Variants in RNF220 observed in about 807,000 individuals in gnomAD.
RNF220 encodes E3 ubiquitin-protein ligase RNF220.
A neutral mutation model predicts 67.1 loss-of-function variants in RNF220; 7 were observed. The observed-to-expected ratio is 0.10, with a 90% CI of 0.06 to 0.20. The LOEUF is 0.20. RNF220 is among the 10% of genes least tolerant of loss of function. RNF220 has a pLI of 1.00. For missense variants in RNF220, 565 were observed against 740.3 expected (o/e 0.76, Z 2.75); for synonymous variants, 270 against 283.2 (o/e 0.95, Z 0.47).
At chr1:44,443,436 C>G (rs1401271255) in intron 2 of RNF220, among the ~76,000 whole-genome samples, 1 of 152,212 alleles carries the variant, frequency 6.6e-6, no homozygotes, top group Non-Finnish European at 1.5e-5. Context: ...CTAACATGCT[C>G]TGGCATTAGC....
chr1:44,543,661 G>T (rs1288345201), intron 2 of RNF220, among the ~76,000 whole-genome samples: 1 of 151,996 alleles, frequency 6.6e-6, no homozygotes, highest in Non-Finnish European at 1.5e-5. Flanking sequence ...CGTGACCGGG[G>T]TGTACAGGAA....
At chr1:44,430,836 C>T (rs192391449) in intron 2 of RNF220, among the ~76,000 whole-genome samples, 20 of 152,314 alleles carry the variant, frequency 1.3e-4, no homozygotes, top group African/African-American at 4.1e-4. Context: ...TGAGCCACCA[C>T]GCCCAGCCAC....
intron 2 of RNF220, among the ~76,000 whole-genome samples, chr1:44,439,358 T>G (rs1651320715): frequency 6.6e-6 from 1 of 152,114 alleles, no homozygotes. Context: ...TTGAATTGCT[T>G]ATCCATGTCC....
At chr1:44,501,766 A>T (rs61787494) in intron 2 of RNF220, among the ~76,000 whole-genome samples, 26,206 of 151,922 alleles carry the variant, frequency 0.17, 2,323 homozygotes, top group Admixed American at 0.2. Context: ...TGGTTGGTGC[A>T]GGAGAGGGGG....
chr1:44,649,864 T>C lies in RNF220; in HGVS notation c.1555-19T>C. 1 of 1,614,010 alleles carries C rather than the reference T, an allele frequency of 6.2e-7. No individual in the cohort carries two copies. The highest frequency in any genetic ancestry group is 8.5e-7 in the Non-Finnish European group (1 of 1,179,930). ...GGGCCTACCTCAGAGTGACCCCTTC[T>C]CTGCCCCCTCCTCCCTAGGACTCGT... On this transcript the variant is annotated intron_variant, in intron 13 of 14. Transcript: ENST00000361799. The surrounding 1 kb of genome is among the most constrained non-coding windows in gnomAD (Gnocchi z 5.9).
intron 2 of RNF220, among the ~76,000 whole-genome samples, chr1:44,468,985 C>T (rs1417400679): frequency 6.6e-6 from 1 of 151,806 alleles, no homozygotes; most frequent in Non-Finnish European, 1.5e-5. Flanking sequence ...AACTGGAAAA[C>T]ATATTACAAC....
At chr1:44,642,348 G>T (rs1644511604) in intron 8 of RNF220, among the ~76,000 whole-genome samples, 1 of 152,184 alleles carries the variant, frequency 6.6e-6, no homozygotes, top group South Asian at 2.1e-4. Flanking sequence ...CCCAATAAAG[G>T]TTGAAAGAAT....
Position 44,405,462 on chromosome 1 carries a change from A to T in RNF220, c.-186A>T, listed in dbSNP as rs1647247372. ...GCGAACCCGGGACTTTTCATGCACC[A>T]CACTCTCCGCCTGCTTCCCTCCGTG... is the stretch of plus-strand genomic sequence containing the variant. On this transcript the variant is annotated 5_prime_UTR_variant, in exon 1 of 15. Transcript: ENST00000361799. The T allele has an allele frequency of 3.5e-6, 2 of 576,910 alleles. No homozygotes were observed. Among genetic ancestry groups the T allele is most frequent in the Non-Finnish European group, 6.2e-6 (2 of 325,078 alleles). 35.7% of individuals were successfully genotyped at this position (576,910 alleles called of 1,614,324 possible). A position where few individuals can be genotyped will look rare whatever the true frequency, so the allele number is the denominator to read the frequency against.
intron 2 of RNF220, among the ~76,000 whole-genome samples, chr1:44,608,640 T>G (rs1667449699): frequency 6.6e-6 from 1 of 152,186 alleles, no homozygotes; most frequent in African/African-American, 2.4e-5. Context: ...TAATGATACT[T>G]GATAGACAGT....
Position 44,566,339 on chromosome 1 carries a change from AC to A in RNF220, c.626-47823del, listed in dbSNP as rs1244324974. 3.9e-5 allele frequency among the ~76,000 whole-genome samples: 6 copies of A among 152,002 alleles called. No homozygotes were observed. In the East Asian group the frequency reaches 1.2e-3, roughly 29 times the overall value. On this transcript the variant is annotated intron_variant, in intron 2 of 14. Coordinates refer to ENST00000361799, the MANE Select transcript of RNF220 (RefSeq NM_018150.4). ...AAGGGGGCTGAGGTGGGAGGTGGGT[AC>A]CCAGGGGAGCCAAGACTAAGTGCGG...
chr1:44,408,053 C>A (rs1647566712), intron 1 of RNF220, among the ~76,000 whole-genome samples: 1 of 152,214 alleles, frequency 6.6e-6, no homozygotes, highest in African/African-American at 2.4e-5. Context: ...ATTCTATATA[C>A]AAAGGCAACC....
Position 44,644,681 on chromosome 1 carries a change from C to T in RNF220, c.1127-17C>T. 6.2e-7 allele frequency: 1 copy of T among 1,611,030 alleles called. No individual in the cohort carries two copies. The highest frequency in any genetic ancestry group is 8.5e-7 in the Non-Finnish European group (1 of 1,177,498). ...TCGTCTTGTCCCCAGGCCCTCCTCACACCCTGCTTCCCACAGGCTCTGGCT... is the reference window on the plus strand; with the variant it reads ...TCGTCTTGTCCCCAGGCCCTCCTCATACCCTGCTTCCCACAGGCTCTGGCT... On this transcript the variant is annotated splice_polypyrimidine_tract_variant and intron_variant, in intron 8 of 14. Transcript: ENST00000361799.
chr1:44,446,944 T>C (rs1254617734), intron 2 of RNF220, among the ~76,000 whole-genome samples: 1 of 152,240 alleles, frequency 6.6e-6, no homozygotes, highest in African/African-American at 2.4e-5. Flanking sequence ...CCTGCAGCGA[T>C]GCATAATTTC....
intron 2 of RNF220, among the ~76,000 whole-genome samples, chr1:44,473,150 C>T (rs938891478): frequency 2.0e-5 from 3 of 152,124 alleles, no homozygotes; most frequent in Non-Finnish European, 4.4e-5. Context: ...CCTTCCTTCT[C>T]CCGTCTTGAC....
intron 1 of RNF220, among the ~76,000 whole-genome samples, chr1:44,409,104 G>C (rs1374017236): frequency 1.3e-5 from 2 of 152,224 alleles, no homozygotes; most frequent in Non-Finnish European, 2.9e-5. Context: ...GTTCTGGCGT[G>C]TTTAACCACG....
At chr1:44,461,931 T>G (rs1162767897) in intron 2 of RNF220, among the ~76,000 whole-genome samples, 1 of 64,560 alleles carries the variant, frequency 1.5e-5, no homozygotes, top group East Asian at 3.5e-4. Context: ...TTTGTTTTTT[T>G]TTTTTTTTTT....
intron 2 of RNF220, among the ~76,000 whole-genome samples, chr1:44,610,749 G>A (rs1333129413): frequency 1.3e-5 from 2 of 152,186 alleles, no homozygotes; most frequent in African/African-American, 4.8e-5. Flanking sequence ...AGGATTCCAG[G>A]GGCCTCGCCA....
At chr1:44,563,465 G>T (rs1015409828) in intron 2 of RNF220, among the ~76,000 whole-genome samples, 1 of 152,164 alleles carries the variant, frequency 6.6e-6, no homozygotes, top group African/African-American at 2.4e-5. Flanking sequence ...AGGGAGATGG[G>T]GCCAGATGAA....
chr1:44,618,998 G>A (rs1643676115), intron 3 of RNF220, among the ~76,000 whole-genome samples: 1 of 152,068 alleles, frequency 6.6e-6, no homozygotes, highest in Admixed American at 6.5e-5. Flanking sequence ...CTCAGCCTAA[G>A]ATGTCTCTGG....
Sources: gnomAD v4.1 joint callset for allele counts (sites outside exome capture counted in the v4.1 genomes callset) on GRCh38, gnomAD v4.1.1 for gene constraint, Gnocchi (gnomAD v3.1) non-coding constraint, MANE v1.5 for transcripts, NCBI Gene and HGNC (gene_info 2026-07-23, HGNC 2026-07-21) for gene names.